The following CNKSR2 variants were observed in gnomAD, a reference collection of about 807,000 sequenced individuals.
CNKSR2 encodes the protein CNK homolog protein 2.
A neutral mutation model predicts 84.4 loss-of-function variants in CNKSR2; 14 were observed. The ratio of observed to expected loss-of-function variants is 0.17; its 90% CI spans 0.11 to 0.26. The LOEUF is 0.26. CNKSR2 is among the 10% of genes least tolerant of loss of function. The probability of loss-of-function intolerance (pLI) is 1.00; values close to 1 mark genes in which losing one functional copy is unlikely to be tolerated. For synonymous variants in CNKSR2, 275 were observed against 277.9 expected, an observed-to-expected ratio of 0.99 and a Z score of 0.10; for missense variants, 485 against 771.2, an observed-to-expected ratio of 0.63 and a Z score of 4.40.
In CNKSR2 at chrX:21,609,493, C is replaced by G; in HGVS notation, c.2568C>G (p.Cys856Trp). The G allele has an allele frequency of 8.3e-7, 1 of 1,211,336 alleles. No homozygotes were observed. The highest frequency in any genetic ancestry group is 1.1e-6 in the Non-Finnish European group (1 of 895,462). Reference protein sequence around the residue: ...TLPRDSGFNHCCLNAPVSACD... With the variant: ...TLPRDSGFNHWCLNAPVSACD... Reference sequence around the variant, plus strand: ...CTCGAGATAGCGGGTTCAACCATTGCTGTCTGAATGCTCCAGTTAGTGCCT... The same window carrying G: ...CTCGAGATAGCGGGTTCAACCATTGGTGTCTGAATGCTCCAGTTAGTGCCT... Residue 856 changes from cysteine to tryptophan, a missense_variant, in exon 20 of 22, where the codon TGC becomes TGG. Coordinates refer to ENST00000379510, the MANE Select transcript of CNKSR2 (RefSeq NM_014927.5).
chrX:21,598,169 C>CT (rs1472265957), intron 17 of CNKSR2, among the ~76,000 whole-genome samples: 1 of 111,144 alleles, frequency 9.0e-6, no homozygotes, highest in African/African-American at 3.3e-5. Flanking sequence ...CACCCCACTA[C>CT]TGTTCATCTG....
At chrX:21,472,116 T>C (rs2091204983) in intron 5 of CNKSR2, among the ~76,000 whole-genome samples, 1 of 111,783 alleles carries the variant, frequency 8.9e-6, no homozygotes, top group Middle Eastern at 4.6e-3. Context: ...CAAATTGTAC[T>C]ATCTTTTTTC....
chrX:21,451,991 C>A (rs2090937306), intron 4 of CNKSR2, among the ~76,000 whole-genome samples: 2 of 111,735 alleles, frequency 1.8e-5, no homozygotes, highest in Non-Finnish European at 3.8e-5. Flanking sequence ...AACTCACTGC[C>A]TCTTCAGGCT....
chrX:21,565,756 A>G (rs935836651), intron 13 of CNKSR2, among the ~76,000 whole-genome samples: 14 of 111,453 alleles, frequency 1.3e-4, no homozygotes, highest in Admixed American at 3.8e-4. Context: ...TCTATAACCA[A>G]TGTTGTAAAA....
chrX:21,528,116 TG>T, intron 10 of CNKSR2, among the ~76,000 whole-genome samples: 1 of 111,236 alleles, frequency 9.0e-6, no homozygotes, highest in South Asian at 3.7e-4. Context: ...TTTACTAAGC[TG>T]GCATTTCATA....
chrX:21,505,005 C>G, intron 8 of CNKSR2: 1 of 277,103 alleles, frequency 3.6e-6, no homozygotes, highest in Non-Finnish European at 6.4e-6. Context: ...TGGGAGATAC[C>G]TCGGCATAGT....
chrX:21,393,564 T>C (rs1314711466), intron 1 of CNKSR2, among the ~76,000 whole-genome samples: 1 of 112,211 alleles, frequency 8.9e-6, no homozygotes, highest in Non-Finnish European at 1.9e-5. Flanking sequence ...ATAATACTTT[T>C]CATAAAATTT....
At chrX:21,392,958 T>C (rs974616720) in intron 1 of CNKSR2, among the ~76,000 whole-genome samples, 1 of 111,796 alleles carries the variant, frequency 8.9e-6, no homozygotes, top group Admixed American at 9.5e-5. Context: ...TTCCTTGTTT[T>C]TTAGTTTAAT....
intron 1 of CNKSR2, among the ~76,000 whole-genome samples, chrX:21,391,730 A>G (rs1266611969): frequency 8.9e-6 from 1 of 112,346 alleles, no homozygotes; most frequent in Admixed American, 9.4e-5. Flanking sequence ...ACTTATGCAG[A>G]TGTCTACAGC....
At chrX:21,456,968 A>G (rs151301728) in intron 4 of CNKSR2, among the ~76,000 whole-genome samples, 1,701 of 111,350 alleles carry the variant, frequency 0.015, 18 homozygotes, top group African/African-American at 0.052. Flanking sequence ...ATAATTAGCA[A>G]TTTTGAACAT....
chrX:21,601,074 T>C (rs1181564765), intron 17 of CNKSR2, among the ~76,000 whole-genome samples: 2 of 112,166 alleles, frequency 1.8e-5, no homozygotes, highest in African/African-American at 3.2e-5. Flanking sequence ...GACTTTTCTA[T>C]TGAAGTAGCA....
chrX:21,597,505 T>C (rs1219690469), intron 17 of CNKSR2, among the ~76,000 whole-genome samples: 2 of 112,283 alleles, frequency 1.8e-5, no homozygotes, highest in South Asian at 3.6e-4. Flanking sequence ...TTTATTTTAA[T>C]TTAATTAAAA....
intron 3 of CNKSR2, among the ~76,000 whole-genome samples, chrX:21,433,823 T>C (rs2090669849): frequency 9.0e-6 from 1 of 110,637 alleles, no homozygotes; most frequent in Admixed American, 9.8e-5. Context: ...TATATACTTA[T>C]ACATAATATA....
chrX:21,546,549 C>T (rs1387802959), intron 11 of CNKSR2, among the ~76,000 whole-genome samples: 1 of 110,592 alleles, frequency 9.0e-6, no homozygotes, highest in East Asian at 2.9e-4. Flanking sequence ...GCAAGACAGG[C>T]CAAATTCAAA....
At chrX:21,648,368 C>G (rs1457488918) in intron 20 of CNKSR2, among the ~76,000 whole-genome samples, 1 of 111,475 alleles carries the variant, frequency 9.0e-6, no homozygotes, top group East Asian at 2.8e-4. Flanking sequence ...TTCAGTATTG[C>G]TAAACCAGGC....
At chrX:21,594,307 G>A (rs2092438988) in intron 15 of CNKSR2, 1 of 110,625 alleles carries the variant, frequency 9.0e-6, no homozygotes, top group Non-Finnish European at 1.9e-5. Context: ...ACAGACACTG[G>A]GGCCTACTTG....
At chrX:21,481,659 G>C in intron 5 of CNKSR2, among the ~76,000 whole-genome samples, 1 of 111,651 alleles carries the variant, frequency 9.0e-6, no homozygotes, top group Non-Finnish European at 1.9e-5. Flanking sequence ...AGATTATCTT[G>C]GTGGGCCTGA....
At position 21,440,842 on chromosome X, in the gene CNKSR2, G is replaced by A. The variant is rs1251704701; in HGVS notation, c.519+61G>A. 5 of 700,592 alleles carry A rather than the reference G, an allele frequency of 7.1e-6. No homozygotes were observed. The East Asian group carries it at 1.7e-4, about 24-fold the overall frequency. 57.7% of individuals were successfully genotyped at this position (700,592 alleles called of 1,213,427 possible). On this transcript the variant is annotated intron_variant, in intron 4 of 21. Coordinates refer to ENST00000379510, the MANE Select transcript of CNKSR2 (RefSeq NM_014927.5). ...TAGCAACTTCATATTCCAACAATGG[G>A]AAGTATCCTATGTACCAAGAGTTTT...
intron 13 of CNKSR2, among the ~76,000 whole-genome samples, chrX:21,585,526 G>A (rs529511758): frequency 2.3e-4 from 25 of 109,383 alleles, no homozygotes; most frequent in African/African-American, 8.0e-4. Context: ...AAGAGTTAAA[G>A]TTGACTCCAA....
Sources: gnomAD v4.1 joint callset for allele counts (sites outside exome capture counted in the v4.1 genomes callset) on GRCh38, gnomAD v4.1.1 for gene constraint, MANE v1.5 for transcripts, NCBI Gene and HGNC (gene_info 2026-07-23, HGNC 2026-07-21) for gene names.